RYR1: variants seen among roughly 807,000 people sequenced by gnomAD.
RYR1 encodes the protein ryanodine receptor 1.
A neutral mutation model predicts 583.5 loss-of-function variants in RYR1; 342 were observed. The observed-to-expected ratio is 0.59, with a 90% CI of 0.54 to 0.64. The LOEUF (loss-of-function observed/expected upper bound fraction) is 0.64, where lower values mean the gene tolerates loss of function less well. RYR1 is among the 30% of genes least tolerant of loss of function. The pLI is 0.00. For synonymous variants in RYR1, 2,791 were observed against 2,822.5 expected, an observed-to-expected ratio of 0.99 and a Z score of 0.35; for missense variants, 6,032 against 6,917.2, an observed-to-expected ratio of 0.87 and a Z score of 4.54.
chr19:38,551,274 C>T (rs568784407), intron 89 of RYR1, among the ~76,000 whole-genome samples: 3 of 151,348 alleles, frequency 2.0e-5, no homozygotes, highest in South Asian at 4.2e-4. Context: ...CTCGAACTCC[C>T]GACCTCAAGT....
intron 96 of RYR1, 117 bp downstream of exon 96, chr19:38,573,424 G>A (rs1272643740): frequency 1.5e-6 from 2 of 1,327,814 alleles, no homozygotes; most frequent in Non-Finnish European, 2.0e-6. Flanking sequence ...GCTCACACCT[G>A]TAATCCCGGC....
chr19:38,502,823 A>AGGGGGAGGGGGAGGGGCG, intron 48 of RYR1, 57 bp from the exon 49 acceptor site: 1 of 1,467,936 alleles, frequency 6.8e-7, no homozygotes, highest in Non-Finnish European at 9.2e-7. Flanking sequence ...GAGCAGGGGC[A>AGGGGGAGGGGGAGGGGCG]GGGGCAGCAG....
rs759815282 is a variant in RYR1 at position 38,502,522 on chromosome 19, A to G, written c.7630A>G (p.Thr2544Ala). The change falls in exon 48 of 106, where the codon ACC (threonine) becomes GCC (alanine). Residue 2544 changes from threonine (T) to alanine (A), a missense_variant. By Grantham distance (58) the Thr-to-Ala change is moderately conservative (BLOSUM62 0). Transcript: ENST00000359596. ...TGCGCCCTAGGCCACTTTCAGCACC[A>G]CCGAGATGGCGCTGGCGCTGAACCG... is the stretch of plus-strand genomic sequence containing the variant. ...ASLDTATFST[T>A]EMALALNRYL... 6.2e-7 allele frequency: 1 copy of G among 1,607,948 alleles called. No individual in the cohort carries two copies. Among genetic ancestry groups the G allele is most frequent in the Non-Finnish European group, 8.5e-7 (1 of 1,179,614 alleles).
chr19:38,452,032 T>C, intron 12 of RYR1, 147 bp downstream of exon 12: 1 of 1,149,026 alleles, frequency 8.7e-7, no homozygotes, highest in Non-Finnish European at 1.3e-6. Flanking sequence ...CTCACACCTG[T>C]AATCCCAAGA....
rs754603654 is a variant in RYR1 at position 38,512,254 on chromosome 19, G to A, written c.9243G>A (p.Met3081Ile). Residue 3081 changes from methionine to isoleucine, a missense_variant, in exon 63 of 106, where the codon ATG becomes ATA. Met to Ile is a conservative substitution (Grantham distance 10). Transcript: ENST00000359596. This position sits in a 1 kb window ranked among gnomAD's most constrained non-coding sequence, Gnocchi z 5.1. ...LARSLDARTV[M>I]KSGPEIVKAG... ...CCCGCTGCCCTTCTAGGACAGTGAT[G>A]AAGTCAGGCCCTGAGATCGTGAAGG... 1 of 1,614,114 alleles carries A rather than the reference G, an allele frequency of 6.2e-7. No individual in the cohort carries two copies. The highest frequency in any genetic ancestry group is 1.3e-5 in the African/African-American group (1 of 74,940).
At chr19:38,456,274 A>ATTT (rs769713059) in intron 16 of RYR1, among the ~76,000 whole-genome samples, 57,879 of 106,392 alleles carry the variant, frequency 0.54, 17,161 homozygotes, top group Non-Finnish European at 0.62. Context: ...AGCGCCTGGC[A>ATTT]TTTTTTTTTT....
In RYR1 at chr19:38,535,387, A is replaced by C; in HGVS notation, c.11511A>C (p.Thr3837=). 1 of 1,613,328 alleles carries C rather than the reference A, an allele frequency of 6.2e-7. No homozygotes were observed. Among genetic ancestry groups the C allele is most frequent in the South Asian group, 1.1e-5 (1 of 91,066 alleles). The change falls in exon 81 of 106, where the codon ACA becomes ACC. Residue 3837 remains threonine (T), a synonymous_variant. Coordinates refer to ENST00000359596, the MANE Select transcript of RYR1 (RefSeq NM_000540.3). ...FFQSIQALMQ[T]CSVLDLNAFE... ...AGAGTATCCAGGCACTGATGCAAAC[A>C]TGCAGGTAGGTTCGAGTGGACCTCT...
At chr19:38,522,584 G>C (rs1302277886) in intron 67 of RYR1, among the ~76,000 whole-genome samples, 1 of 151,934 alleles carries the variant, frequency 6.6e-6, no homozygotes, top group South Asian at 2.1e-4. Context: ...CTGTACTCCA[G>C]CCTGACAGAT....
In RYR1 at chr19:38,452,883, A is replaced by G. The variant is rs1967154404; in HGVS notation, c.1309A>G (p.Ile437Val). 1.2e-6 allele frequency: 2 copies of G among 1,612,124 alleles called. No individual in the cohort carries two copies. Among genetic ancestry groups the G allele is most frequent in the East Asian group, 4.5e-5 (2 of 44,824 alleles). Residue 437 changes from isoleucine to valine, a missense_variant, in exon 13 of 106, where the codon ATC (isoleucine) becomes GTC (valine). This residue lies in a region of RYR1 where 2,627 missense variants were observed against 2,961.3 expected (regional missense o/e 0.89). Coordinates refer to ENST00000359596, the MANE Select transcript of RYR1 (RefSeq NM_000540.3). ...SGPPAGTALP[I>V]EGVILSLQDL... ...GCCACCCGCTGGCACGGCGCTGCCC[A>G]TCGAGGGCGTTATCCTGAGCCTGCA...
Position 38,561,595 on chromosome 19 carries a change from T to A in RYR1, c.12624+141T>A. ...CTCCGGCAAGCCCACGCCCACCCTT[T>A]TGTACACATTTCGTCCAGCTGCGCC... On this transcript the variant is annotated intron_variant, in intron 90 of 105. Coordinates refer to ENST00000359596, the MANE Select transcript of RYR1 (RefSeq NM_000540.3). The surrounding 1 kb of genome is among the most constrained non-coding windows in gnomAD (Gnocchi z 4.8). 1 of 827,768 alleles carries A rather than the reference T, an allele frequency of 1.2e-6. No individual in the cohort carries two copies. Among genetic ancestry groups the A allele is most frequent in the Non-Finnish European group, 1.9e-6 (1 of 535,782 alleles). 51.3% of individuals were successfully genotyped at this position (827,768 alleles called of 1,614,324 possible). A position where few individuals can be genotyped will look rare whatever the true frequency, so the allele number is the denominator to read the frequency against.
In RYR1 at chr19:38,500,117, T is replaced by C. The variant is rs918337445; in HGVS notation, c.7323+101T>C. 54 of 1,020,486 alleles carry C rather than the reference T, an allele frequency of 5.3e-5. No individual in the cohort carries two copies. The highest frequency in any genetic ancestry group is 7.8e-5 in the Non-Finnish European group (52 of 668,470). 63.2% of individuals were successfully genotyped at this position (1,020,486 alleles called of 1,614,324 possible). ...GTGACACGGAGTGAGCTCCCATATGTGGGTGGTCCTGGACTAGCAATGTTG... is the reference window on the plus strand; with the variant it reads ...GTGACACGGAGTGAGCTCCCATATGCGGGTGGTCCTGGACTAGCAATGTTG... On this transcript the variant is annotated intron_variant, in intron 45 of 105. Coordinates refer to ENST00000359596, the MANE Select transcript of RYR1 (RefSeq NM_000540.3). The surrounding 1 kb of genome is among the most constrained non-coding windows in gnomAD (Gnocchi z 5.9).
intron 2 of RYR1, 139 bp downstream of exon 2, chr19:38,441,003 A>T: frequency 5.7e-5 from 13 of 229,354 alleles, no homozygotes; most frequent in East Asian, 4.8e-4. Flanking sequence ...TAAGGCTAAG[A>T]GGGGCTACCT....
chr19:38,547,650 A>G (rs112033600), intron 88 of RYR1, among the ~76,000 whole-genome samples: 1 of 151,262 alleles, frequency 6.6e-6, no homozygotes, highest in African/African-American at 2.4e-5. Context: ...AGAGTCACAC[A>G]CTTCCCTTTT....
intron 35 of RYR1, 25 bp downstream of exon 35, chr19:38,489,468 G>A (rs1267570704): frequency 5.0e-6 from 8 of 1,613,750 alleles, no homozygotes; most frequent in East Asian, 2.2e-5. Context: ...CCTGCTTTTC[G>A]GCCTCTGTCC....
chr19:38,584,141 C>T (rs1459402416), intron 101 of RYR1, among the ~76,000 whole-genome samples: 6 of 151,854 alleles, frequency 4.0e-5, no homozygotes, highest in African/African-American at 1.5e-4. Flanking sequence ...ATGCCTCCAG[C>T]GGGCTGTTAA....
At chr19:38,541,105 A>T (rs1399573083) in intron 84 of RYR1, among the ~76,000 whole-genome samples, 1 of 152,212 alleles carries the variant, frequency 6.6e-6, no homozygotes, top group Admixed American at 6.5e-5. Context: ...AGAGGTTCTC[A>T]TTGTAATTGT....
chr19:38,440,947 G>C, intron 2 of RYR1, 83 bp downstream of exon 2: 2 of 1,431,514 alleles, frequency 1.4e-6, no homozygotes, highest in Non-Finnish European at 1.9e-6. Context: ...AGGGTTCTGG[G>C]AGTCTGAAAG....
At position 38,484,342 on chromosome 19, in the gene RYR1, T is replaced by C. The variant is rs573405339; in HGVS notation, c.4934+826T>C. On this transcript the variant is annotated intron_variant, in intron 33 of 105. Transcript: ENST00000359596. Reference sequence around the variant, plus strand: ...GGAATCCCAGACTCACCCAGGAGGCTTCTGACATGCCTCTTTCTTTCTTTC... The same window carrying C: ...GGAATCCCAGACTCACCCAGGAGGCCTCTGACATGCCTCTTTCTTTCTTTC... Among the ~76,000 whole-genome samples the C allele has an allele frequency of 8.6e-5, 13 of 151,956 alleles. No individual in the cohort carries two copies. In the South Asian group the frequency reaches 2.7e-3, roughly 32 times the overall value.
intron 47 of RYR1, 32 bp downstream of exon 47, chr19:38,501,022 C>T (rs766571476): frequency 1.9e-6 from 3 of 1,607,172 alleles, no homozygotes; most frequent in Non-Finnish European, 1.7e-6. Flanking sequence ...GGCCACCCTC[C>T]CCACTTCCAC....
Sources: allele counts gnomAD v4.1 joint callset (sites outside exome capture counted in the v4.1 genomes callset), GRCh38; gene constraint gnomAD v4.1.1; regional missense constraint gnomAD v4.1.1; non-coding constraint Gnocchi (gnomAD v3.1); transcripts MANE v1.5; gene names NCBI Gene and HGNC (gene_info 2026-07-23, HGNC 2026-07-21).